The following NISCH variants were observed in gnomAD, a reference collection of about 807,000 sequenced individuals.
The protein encoded by NISCH is nischarin, also known as I-1 receptor candidate protein.
In NISCH, 55 loss-of-function variants were observed where a neutral mutation model predicts 138.4. The observed-to-expected ratio is 0.40, with a 90% confidence interval of 0.32 to 0.50. The LOEUF is 0.50. NISCH is among the 20% of genes least tolerant of loss of function. NISCH has a pLI of 0.71. For synonymous variants in NISCH, 860 were observed against 861.5 expected, an observed-to-expected ratio of 1.00 and a Z score of 0.03; for missense variants, 1,643 against 2,005.5, an observed-to-expected ratio of 0.82 and a Z score of 3.45.
At chr3:52,482,549 T>C (rs890580311) in intron 13 of NISCH, among the ~76,000 whole-genome samples, 1 of 152,200 alleles carries the variant, frequency 6.6e-6, no homozygotes, top group African/African-American at 2.4e-5. Flanking sequence ...AGCTGTTTTC[T>C]CAACTGTGAA....
intron 3 of NISCH, among the ~76,000 whole-genome samples, chr3:52,469,668 C>T (rs1706885068): frequency 6.6e-6 from 1 of 152,066 alleles, no homozygotes; most frequent in East Asian, 1.9e-4. Context: ...AATCCTGGCA[C>T]TTTGGGTGGC....
Position 52,488,624 on chromosome 3 carries a change from C to T in NISCH, c.3113+19C>T. The T allele has an allele frequency of 6.3e-7, 1 of 1,587,892 alleles. No homozygotes were observed. The highest frequency in any genetic ancestry group is 8.6e-7 in the Non-Finnish European group (1 of 1,164,332). ...GGGCCAGGTGAGATCAAGCACAGCT[C>T]TCAGGGGCCCCGGGGGCATGGGTCT... is the stretch of plus-strand genomic sequence containing the variant. On this transcript the variant is annotated intron_variant, in intron 16 of 20. Transcript: ENST00000345716.
chr3:52,459,799 G>A (rs958092241), intron 3 of NISCH, among the ~76,000 whole-genome samples: 2 of 151,678 alleles, frequency 1.3e-5, no homozygotes, highest in Non-Finnish European at 2.9e-5. Context: ...TCAGGCAGCC[G>A]CAAAAAGGAT....
intron 3 of NISCH, among the ~76,000 whole-genome samples, chr3:52,465,249 C>T (rs2153230884): frequency 6.6e-6 from 1 of 152,274 alleles, no homozygotes; most frequent in South Asian, 2.1e-4. Context: ...CCCACCTCAA[C>T]CCCCCAAGTA....
intron 4 of NISCH, chr3:52,471,377 A>G (rs1275068012): frequency 1.4e-5 from 4 of 278,562 alleles, no homozygotes; most frequent in Admixed American, 9.7e-5. Context: ...AGCGAGGACC[A>G]AGCAGCAGTC....
rs919307458 is a variant in NISCH, at chr3:52,470,876, C to T, written c.378C>T (p.Thr126=). 1.3e-5 allele frequency: 21 copies of T among 1,613,938 alleles called. 1 individual carries two copies. Among genetic ancestry groups the T allele is most frequent in the South Asian group, 6.6e-5 (6 of 91,074 alleles). The change falls in exon 4 of 21, where the codon ACC becomes ACT. Residue 126 remains threonine (T), a synonymous_variant. Transcript: ENST00000345716. ...CTCTGCAGGAGATAAATGGCATCAC[C>T]GCGGCACTGGCTGAAGAGCTCTTTG... ...HFHFYEINGI[T]AALAEELFEK...
chr3:52,484,669 A>C, intron 14 of NISCH, 32 bp downstream of exon 14: 1 of 1,612,230 alleles, frequency 6.2e-7, no homozygotes. Context: ...TGGGGACCAT[A>C]CATCTGTGGG....
At chr3:52,480,871 G>A (rs1707251140) in intron 13 of NISCH, 1 of 1,535,102 alleles carries the variant, frequency 6.5e-7, no homozygotes, top group Non-Finnish European at 8.7e-7. Context: ...TTTCACCTCT[G>A]AACCCAGGCA....
intron 3 of NISCH, among the ~76,000 whole-genome samples, chr3:52,461,975 G>T (rs1321547805): frequency 6.6e-6 from 1 of 152,116 alleles, no homozygotes; most frequent in African/African-American, 2.4e-5. Flanking sequence ...TGAGACCTAT[G>T]CCTTTGAGGA....
chr3:52,479,789 AC>A lies in NISCH; in HGVS notation c.1344del (p.Asp448GlufsTer6). On this transcript the variant is annotated frameshift_variant, in exon 12 of 21. Transcript: ENST00000345716. LOFTEE classifies it high-confidence loss of function. Reference protein sequence around the residue: ...DDTVTTEKELDTVEVLKAIQK... With the variant: ...DDTVTTEKELXTVEVLKAIQK... The stretch of plus-strand genomic sequence containing the variant: ...ACAGTGACCACAGAGAAGGAGCTGG[AC>A]ACTGTGGAAGTGCTGAAAGCAATTC... 6.2e-7 allele frequency: 1 copy of A among 1,613,826 alleles called. No individual in the cohort carries two copies. The highest frequency in any genetic ancestry group is 8.5e-7 in the Non-Finnish European group (1 of 1,179,900).
In NISCH at chr3:52,488,147, A is replaced by G. The variant is rs112323499; in HGVS notation, c.2655A>G (p.Thr885=). The G allele has an allele frequency of 4.3e-6, 7 of 1,612,512 alleles. No individual in the cohort carries two copies. Among genetic ancestry groups the G allele is most frequent in the Non-Finnish European group, 3.4e-6 (4 of 1,179,796 alleles). Reference sequence around the variant, plus strand: ...GCAACATCGAGTGGGCCAGCTGCACACTCTGTTCAGCCGTGCGGCGCTCCT... The same window carrying G: ...GCAACATCGAGTGGGCCAGCTGCACGCTCTGTTCAGCCGTGCGGCGCTCCT... The part of the protein sequence containing the change: ...YSGNIEWASC[T]LCSAVRRSCC... The change falls in exon 16 of 21, where the codon ACA becomes ACG. Residue 885 remains threonine (T), a synonymous_variant. Coordinates refer to ENST00000345716, the MANE Select transcript of NISCH (RefSeq NM_007184.4).
intron 3 of NISCH, among the ~76,000 whole-genome samples, chr3:52,469,860 A>C (rs961357190): frequency 2.0e-5 from 3 of 151,424 alleles, no homozygotes; most frequent in Non-Finnish European, 4.4e-5. Context: ...GGTGGCGGTG[A>C]GCCGAGATTA....
intron 4 of NISCH, 94 bp downstream of exon 4, chr3:52,471,001 G>A (rs1706930336): frequency 1.5e-6 from 2 of 1,306,684 alleles, no homozygotes; most frequent in Non-Finnish European, 2.2e-6. Context: ...TCACTCTGGA[G>A]CCCACCTACC....
chr3:52,480,391 T>C (rs1409006064), intron 13 of NISCH, 96 bp downstream of exon 13: 4 of 1,564,730 alleles, frequency 2.6e-6, no homozygotes, highest in South Asian at 2.3e-5. Flanking sequence ...CAGCACCTGC[T>C]TCCAACAGGG....
At chr3:52,477,427 A>G in intron 8 of NISCH, 147 bp from the exon 9 acceptor site, 1 of 643,070 alleles carries the variant, frequency 1.6e-6, no homozygotes, top group East Asian at 2.7e-5. Context: ...GGGCAGCGGG[A>G]GATGTCCCAC....
chr3:52,491,340 C>T lies in NISCH; in HGVS notation c.3743-12C>T, dbSNP rs1202625574. On this transcript the variant is annotated splice_polypyrimidine_tract_variant and intron_variant, in intron 19 of 20. Transcript: ENST00000345716. Reference sequence around the variant, plus strand: ...GCCGGCCTGTGGCCCTGACCAGCCCCTTCTCGTGCAGGTTCCACCCCGATG... The same window carrying T: ...GCCGGCCTGTGGCCCTGACCAGCCCTTTCTCGTGCAGGTTCCACCCCGATG... 8.1e-6 allele frequency: 13 copies of T among 1,607,630 alleles called. No individual in the cohort carries two copies. Among genetic ancestry groups the T allele is most frequent in the Non-Finnish European group, 1.1e-5 (13 of 1,177,012 alleles).
chr3:52,479,579 G>T (rs928143862), intron 11 of NISCH, among the ~76,000 whole-genome samples, 170 bp from the exon 12 acceptor site: 2 of 152,152 alleles, frequency 1.3e-5, no homozygotes, highest in African/African-American at 2.4e-5. Flanking sequence ...CTCAGCCTAT[G>T]GTGTCCTCAC....
chr3:52,466,783 G>C (rs1198119054), intron 3 of NISCH, among the ~76,000 whole-genome samples: 1 of 152,024 alleles, frequency 6.6e-6, no homozygotes, highest in Non-Finnish European at 1.5e-5. Context: ...CTTGGTTGCA[G>C]GGCATGTGCG....
chr3:52,482,954 CAG>C (rs1707315094), intron 13 of NISCH, among the ~76,000 whole-genome samples: 1 of 152,272 alleles, frequency 6.6e-6, no homozygotes, highest in African/African-American at 2.4e-5. Context: ...TGGAGGAGAA[CAG>C]GGTAGGATGG....
Sources: allele counts gnomAD v4.1 joint callset (sites outside exome capture counted in the v4.1 genomes callset), GRCh38; gene constraint gnomAD v4.1.1; transcripts MANE v1.5; gene names NCBI Gene and HGNC (gene_info 2026-07-23, HGNC 2026-07-21).